MAF: variants seen among roughly 807,000 people sequenced by gnomAD.
MAF encodes the protein MAF bZIP transcription factor.
Under a neutral mutation model 22.0 loss-of-function variants are expected in MAF, and 10 were observed. The ratio of observed to expected loss-of-function variants is 0.45; its 90% CI spans 0.28 to 0.77. The LOEUF (loss-of-function observed/expected upper bound fraction) is 0.77. Ranked by LOEUF, MAF falls within the 30% of genes least tolerant of loss-of-function variation. The probability of loss-of-function intolerance (pLI) is 0.12; values close to 1 mark genes in which losing one functional copy is unlikely to be tolerated. For missense variants in MAF, 544 were observed against 548.4 expected (o/e 0.99, Z 0.08); for synonymous variants, 337 against 255.8 (o/e 1.32, Z -3.03).
the MAF span, among the ~76,000 whole-genome samples, chr16:79,261,750 C>A: frequency 6.6e-6 from 1 of 152,158 alleles, no homozygotes; most frequent in Non-Finnish European, 1.5e-5. Flanking sequence ...GTTCCTGCAG[C>A]AGATGGGAAA....
the MAF span, among the ~76,000 whole-genome samples, chr16:79,278,778 A>G: frequency 6.6e-6 from 1 of 152,160 alleles, no homozygotes; most frequent in Non-Finnish European, 1.5e-5. Context: ...ACAGGGGGAC[A>G]GGAGATGGCT....
the MAF span, among the ~76,000 whole-genome samples, chr16:79,319,065 T>C: frequency 6.6e-6 from 1 of 152,140 alleles, no homozygotes; most frequent in African/African-American, 2.4e-5. Flanking sequence ...ACAGATTTTT[T>C]TTTCTCCAGC....
chr16:79,283,745 A>G, the MAF span, among the ~76,000 whole-genome samples: 1 of 152,168 alleles, frequency 6.6e-6, no homozygotes, highest in Non-Finnish European at 1.5e-5. Flanking sequence ...AAATGAAAGT[A>G]TCTGAGAACT....
the MAF span, among the ~76,000 whole-genome samples, chr16:79,512,296 C>G: frequency 6.6e-6 from 1 of 152,204 alleles, no homozygotes; most frequent in East Asian, 1.9e-4. Context: ...TCAGTCGTTT[C>G]TCCACGAAGC....
the MAF span, among the ~76,000 whole-genome samples, chr16:79,230,672 T>C: frequency 6.6e-6 from 1 of 152,104 alleles, no homozygotes. Flanking sequence ...ATTAACCAAG[T>C]ATACGAAAAG....
the MAF span, among the ~76,000 whole-genome samples, chr16:79,391,765 G>A: frequency 4.0e-4 from 61 of 152,208 alleles, no homozygotes; most frequent in African/African-American, 1.3e-3. Context: ...TTGCCAAAGC[G>A]CATCATCTGC....
the MAF span, among the ~76,000 whole-genome samples, chr16:79,480,190 G>A: frequency 1.7e-3 from 255 of 152,190 alleles, 3 homozygotes; most frequent in African/African-American, 5.7e-3. Flanking sequence ...GTATCCACTC[G>A]TTGGAGCTAG....
In MAF at chr16:79,599,490, A is replaced by G; in HGVS notation, c.413T>C (p.Leu138Pro). Residue 138 changes from leucine (L) to proline (P), a missense_variant, in exon 1 of 2, where the codon CTG (leucine) becomes CCG (proline). By Grantham distance (98) the Leu-to-Pro change is moderately conservative. Coordinates refer to ENST00000326043, the MANE Select transcript of MAF (RefSeq NM_005360.5). ...FDGYARGAQQ[L>P]AAAAGAGAGA... ...GGCACCGGCCCCGGCCGCCGCGGCC[A>G]GCTGCTGCGCCCCGCGCGCGTAGCC... is the stretch of plus-strand genomic sequence containing the variant. 1 of 1,434,292 alleles carries G rather than the reference A, an allele frequency of 7.0e-7. No individual in the cohort carries two copies. Among genetic ancestry groups the G allele is most frequent in the Non-Finnish European group, 9.1e-7 (1 of 1,101,388 alleles). 88.8% of individuals were successfully genotyped at this position (1,434,292 alleles called of 1,614,324 possible).
chr16:79,319,164 T>G, the MAF span, among the ~76,000 whole-genome samples: 4 of 152,224 alleles, frequency 2.6e-5, no homozygotes, highest in East Asian at 7.7e-4. Flanking sequence ...CTGTGCCAGG[T>G]GTCAATGCCT....
the MAF span, among the ~76,000 whole-genome samples, chr16:79,501,983 C>G: frequency 6.6e-6 from 1 of 152,102 alleles, no homozygotes; most frequent in African/African-American, 2.4e-5. Context: ...GGTATTATTC[C>G]CAACAAAACT....
chr16:79,286,057 T>G, the MAF span, among the ~76,000 whole-genome samples: 2 of 152,232 alleles, frequency 1.3e-5, no homozygotes, highest in Non-Finnish European at 2.9e-5. Context: ...TAACAGTTCC[T>G]ACCTAATAAG....
At chr16:79,477,464 T>C in the MAF span, among the ~76,000 whole-genome samples, 1 of 152,204 alleles carries the variant, frequency 6.6e-6, no homozygotes. Flanking sequence ...TCATATTCTC[T>C]TCCAGCATGA....
chr16:79,260,320 T>C, the MAF span, among the ~76,000 whole-genome samples: 1 of 152,070 alleles, frequency 6.6e-6, no homozygotes, highest in Non-Finnish European at 1.5e-5. Flanking sequence ...CTGGCTAATA[T>C]TTGAATTTTT....
chr16:79,207,610 CTA>C, the MAF span, among the ~76,000 whole-genome samples: 2 of 152,194 alleles, frequency 1.3e-5, no homozygotes, highest in Admixed American at 6.5e-5. Flanking sequence ...GATATTGTGT[CTA>C]TTTTTTATAT....
chr16:79,540,757 G>A, the MAF span, among the ~76,000 whole-genome samples: 1 of 152,194 alleles, frequency 6.6e-6, no homozygotes, highest in Non-Finnish European at 1.5e-5. Flanking sequence ...CCAAATATGA[G>A]CATCAGGACT....
chr16:79,207,726 T>C, the MAF span, among the ~76,000 whole-genome samples: 1 of 152,246 alleles, frequency 6.6e-6, no homozygotes, highest in Non-Finnish European at 1.5e-5. Context: ...GTGTAACATG[T>C]GTCCCTGTGA....
the MAF span, among the ~76,000 whole-genome samples, chr16:79,298,828 C>T: frequency 2.0e-5 from 3 of 152,258 alleles, no homozygotes; most frequent in Non-Finnish European, 2.9e-5. Flanking sequence ...CCAGAGGCCC[C>T]TCAGAGGTTA....
the MAF span, among the ~76,000 whole-genome samples, chr16:79,554,711 A>G: frequency 1.3e-5 from 2 of 152,148 alleles, no homozygotes; most frequent in South Asian, 4.2e-4. Context: ...TCTCAAGATG[A>G]GCCCAGAAAA....
At chr16:79,232,026 C>G in the MAF span, among the ~76,000 whole-genome samples, 1 of 152,040 alleles carries the variant, frequency 6.6e-6, no homozygotes, top group South Asian at 2.1e-4. Context: ...TTATGACAAT[C>G]TAATGCCACC....
Sources: allele counts gnomAD v4.1 joint callset (sites outside exome capture counted in the v4.1 genomes callset), GRCh38; gene constraint gnomAD v4.1.1; transcripts MANE v1.5; gene names NCBI Gene and HGNC (gene_info 2026-07-23, HGNC 2026-07-21).